LRMDA: variants seen among roughly 807,000 people sequenced by gnomAD.
The protein encoded by LRMDA is leucine-rich melanocyte differentiation-associated protein.
In LRMDA, 18 loss-of-function variants were observed where a neutral mutation model predicts 29.8. That is an observed-to-expected ratio of 0.60 (90% confidence interval 0.42 to 0.90). The LOEUF (loss-of-function observed/expected upper bound fraction) is 0.90. Ranked by LOEUF, LRMDA falls within the 40% of genes least tolerant of loss-of-function variation. The pLI, the probability that LRMDA is intolerant of heterozygous loss-of-function variation, is 0.00. For missense variants in LRMDA, 273 were observed against 273.9 expected (o/e 1.00, Z 0.02); for synonymous variants, 125 against 109.4 (o/e 1.14, Z -0.89).
chr10:75,451,893 AT>A (rs1438130528), intron 2 of LRMDA, among the ~76,000 whole-genome samples: 1 of 147,728 alleles, frequency 6.8e-6, no homozygotes, highest in African/African-American at 2.5e-5. Context: ...AAAAAAAAGC[AT>A]TTTTTTGGTG....
chr10:76,289,376 T>C (rs542155994), intron 5 of LRMDA, among the ~76,000 whole-genome samples: 1 of 152,294 alleles, frequency 6.6e-6, no homozygotes, highest in Admixed American at 6.5e-5. Flanking sequence ...CCTCTGAGAA[T>C]GTGAGGTCGC....
intron 6 of LRMDA, among the ~76,000 whole-genome samples, chr10:76,429,261 C>A (rs370067032): frequency 6.6e-6 from 1 of 152,086 alleles, no homozygotes; most frequent in South Asian, 2.1e-4. Context: ...TGCAGCCATG[C>A]GAATAATGTG....
At chr10:76,152,084 C>T (rs551428619) in intron 5 of LRMDA, among the ~76,000 whole-genome samples, 4 of 152,278 alleles carry the variant, frequency 2.6e-5, no homozygotes, top group African/African-American at 9.6e-5. Flanking sequence ...TTTAGCATAT[C>T]CACAAGGTTG....
At chr10:75,780,315 C>A (rs536701473) in intron 2 of LRMDA, among the ~76,000 whole-genome samples, 1 of 152,210 alleles carries the variant, frequency 6.6e-6, no homozygotes, top group Non-Finnish European at 1.5e-5. Context: ...CTCAAACCAA[C>A]TGTGAGGGAG....
chr10:75,463,509 T>C (rs1347531535), intron 2 of LRMDA, among the ~76,000 whole-genome samples: 2 of 151,060 alleles, frequency 1.3e-5, no homozygotes, highest in Non-Finnish European at 3.0e-5. Context: ...TTTTTTGAGA[T>C]GGAGTTTCAC....
At chr10:76,058,965 C>CT in intron 5 of LRMDA, among the ~76,000 whole-genome samples, 182 bp downstream of exon 5, 1 of 152,274 alleles carries the variant, frequency 6.6e-6, no homozygotes, top group East Asian at 1.9e-4. Flanking sequence ...TTGGATCTTC[C>CT]TGTTTTACCA....
intron 5 of LRMDA, among the ~76,000 whole-genome samples, chr10:76,101,811 C>T (rs59484180): frequency 0.049 from 7,526 of 152,094 alleles, 485 homozygotes; most frequent in African/African-American, 0.14. Context: ...TTAGTACATT[C>T]GCAGGGTTGT....
At chr10:76,092,020 T>C (rs1849239708) in intron 5 of LRMDA, among the ~76,000 whole-genome samples, 2 of 152,152 alleles carry the variant, frequency 1.3e-5, no homozygotes, top group African/African-American at 4.8e-5. Context: ...TTGGCCTCTT[T>C]TGGCCCTGAG....
At chr10:76,464,526 C>G (rs1341609560) in intron 6 of LRMDA, among the ~76,000 whole-genome samples, 1 of 152,182 alleles carries the variant, frequency 6.6e-6, no homozygotes, top group Non-Finnish European at 1.5e-5. Flanking sequence ...GACAATTTAA[C>G]TAAGAACAAT....
intron 2 of LRMDA, among the ~76,000 whole-genome samples, chr10:75,906,769 G>A (rs1845765783): frequency 1.3e-5 from 2 of 152,218 alleles, no homozygotes; most frequent in Non-Finnish European, 2.9e-5. Context: ...CATTGATGCC[G>A]AAACAAGGCA....
intron 2 of LRMDA, among the ~76,000 whole-genome samples, chr10:75,787,313 G>T (rs1402665098): frequency 2.0e-5 from 3 of 152,188 alleles, no homozygotes; most frequent in African/African-American, 7.2e-5. Context: ...TGTTTCCTGG[G>T]TTGGAGACGT....
intron 5 of LRMDA, among the ~76,000 whole-genome samples, chr10:76,221,869 T>C (rs1223736021): frequency 1.3e-5 from 2 of 151,862 alleles, no homozygotes; most frequent in Non-Finnish European, 2.9e-5. Context: ...CTTCAAACTA[T>C]ACTACAAGGC....
chr10:75,632,253 T>C (rs1378129789), intron 2 of LRMDA, among the ~76,000 whole-genome samples: 1 of 152,166 alleles, frequency 6.6e-6, no homozygotes, highest in Admixed American at 6.5e-5. Context: ...GAAAGATGAT[T>C]AGGGAAAGGT....
At position 75,908,139 on chromosome 10, in the gene LRMDA, G is replaced by A. The variant is rs143962052; in HGVS notation, c.132-127869G>A. ...TTGTAGGGTCCTCATACTTTACTTG[G>A]GATATTGTGGAAAGGAAGGTGCTGT... On this transcript the variant is annotated intron_variant, in intron 2 of 6. Coordinates refer to ENST00000611255, the MANE Select transcript of LRMDA (RefSeq NM_001305581.2). 4.2e-4 allele frequency among the ~76,000 whole-genome samples: 64 copies of A among 152,258 alleles called. 1 individual carries two copies. The East Asian group carries it at 0.012, about 28-fold the overall frequency.
chr10:76,456,725 G>A (rs1416731420), intron 6 of LRMDA, among the ~76,000 whole-genome samples: 8 of 150,974 alleles, frequency 5.3e-5, no homozygotes, highest in Non-Finnish European at 7.4e-5. Flanking sequence ...AAAACTTGAA[G>A]TAAAAGTCAG....
At chr10:75,734,577 A>G (rs988495016) in intron 2 of LRMDA, among the ~76,000 whole-genome samples, 1 of 152,214 alleles carries the variant, frequency 6.6e-6, no homozygotes, top group African/African-American at 2.4e-5. Flanking sequence ...AAATAAATAC[A>G]TGAGTTACCA....
chr10:76,058,878 A>G, intron 5 of LRMDA, 95 bp downstream of exon 5: 1 of 958,526 alleles, frequency 1.0e-6, no homozygotes, highest in Non-Finnish European at 1.7e-6. Flanking sequence ...AGTGTTTAGA[A>G]TGCAGTTGGA....
chr10:75,877,416 A>T (rs567132478), intron 2 of LRMDA, among the ~76,000 whole-genome samples: 35 of 152,322 alleles, frequency 2.3e-4, no homozygotes, highest in South Asian at 1.4e-3. Context: ...CCACCAATAC[A>T]GTTACCCTTT....
chr10:75,531,170 T>A (rs545466941), intron 2 of LRMDA, among the ~76,000 whole-genome samples: 1 of 152,318 alleles, frequency 6.6e-6, no homozygotes, highest in East Asian at 1.9e-4. Context: ...TCTTCCTTAA[T>A]GTTGTTAGCC....
Sources: gnomAD v4.1 joint callset for allele counts (sites outside exome capture counted in the v4.1 genomes callset) on GRCh38, gnomAD v4.1.1 for gene constraint, MANE v1.5 for transcripts, NCBI Gene and HGNC (gene_info 2026-07-23, HGNC 2026-07-21) for gene names.